KCNN2: variants seen among roughly 807,000 people sequenced by gnomAD.
KCNN2 encodes the protein small conductance calcium-activated potassium channel protein 2.
Under a neutral mutation model 55.5 loss-of-function variants are expected in KCNN2, and 24 were observed. That is an observed-to-expected ratio of 0.43 (90% CI 0.31 to 0.61). The LOEUF (loss-of-function observed/expected upper bound fraction) is 0.61. Among genes scored for constraint, KCNN2 ranks in the 20% least tolerant of loss-of-function variants. The pLI, the probability that KCNN2 is intolerant of heterozygous loss-of-function variation, is 0.08. For missense variants in KCNN2, 754 were observed against 853.6 expected (o/e 0.88, Z 1.45); for synonymous variants, 431 against 336.1 (o/e 1.28, Z -3.09).
chr5:114,372,083 A>G (rs1351151796), intron 2 of KCNN2, among the ~76,000 whole-genome samples: 1 of 152,196 alleles, frequency 6.6e-6, no homozygotes, highest in African/African-American at 2.4e-5. Flanking sequence ...TTTATTTGAC[A>G]AAACTTGTTT....
In KCNN2 at chr5:114,158,849, G is replaced by T. The variant is rs1222896637; in HGVS notation, c.-270-62631G>T. Reference sequence around the variant, plus strand: ...GAATGCTTGTGATTTTTGCACATTGGTTTTATATCCTGAGACTTTGCTGAA... The same window carrying T: ...GAATGCTTGTGATTTTTGCACATTGTTTTTATATCCTGAGACTTTGCTGAA... On this transcript the variant is annotated intron_variant, in intron 1 of 10. Transcript: ENST00000512097. Among the ~76,000 whole-genome samples, 6 of 152,040 alleles carry T rather than the reference G, an allele frequency of 3.9e-5. No individual in the cohort carries two copies. In the South Asian group the frequency reaches 1.2e-3, roughly 32 times the overall value.
intron 1 of KCNN2, among the ~76,000 whole-genome samples, chr5:114,102,818 C>G (rs1751399509): frequency 6.6e-6 from 1 of 152,170 alleles, no homozygotes. Flanking sequence ...GTACCAGTAC[C>G]AAGCTGCTTT....
chr5:114,234,557 G>A (rs1754434145), intron 2 of KCNN2, among the ~76,000 whole-genome samples: 1 of 152,132 alleles, frequency 6.6e-6, no homozygotes, highest in Non-Finnish European at 1.5e-5. Flanking sequence ...GTATTTCTTT[G>A]TTCATAGATC....
At position 114,493,414 on chromosome 5, in the gene KCNN2, TA is replaced by T. The variant is rs1245744981; in HGVS notation, c.2035del (p.Met679TrpfsTer6). On this transcript the variant is annotated frameshift_variant, in exon 7 of 8. Coordinates refer to ENST00000673685, the MANE Select transcript of KCNN2 (RefSeq NM_021614.4). LOFTEE classifies it high-confidence loss of function. ...ATTCTATCTTTTAGATTAAGAAGTG[TA>T]AAAATGGAGCAGAGGAAACTGAATG... Reference protein sequence around the residue: ...FLQAIHQLRSVKMEQRKLNDQ... With the variant: ...FLQAIHQLRSXKMEQRKLNDQ... 1 of 1,598,962 alleles carries T rather than the reference TA, an allele frequency of 6.3e-7. No homozygotes were observed. The highest frequency in any genetic ancestry group is 8.6e-7 in the Non-Finnish European group (1 of 1,166,210).
chr5:114,440,862 C>G (rs13175395), intron 3 of KCNN2, among the ~76,000 whole-genome samples: 139,991 of 152,266 alleles, frequency 0.92, 65,576 homozygotes, highest in East Asian at 1. Context: ...AATTTGAACA[C>G]AATGTGATAG....
At chr5:114,358,667 T>C (rs1757345586), upstream of KCNN2, among the ~76,000 whole-genome samples, 2 of 151,976 alleles carry the variant, frequency 1.3e-5, no homozygotes, top group African/African-American at 4.8e-5. Flanking sequence ...TTTCCCCCAA[T>C]GTTTCTTCAT....
At chr5:114,312,418 CACACACACACACACACATATAT>C (rs1325247036) in intron 2 of KCNN2, among the ~76,000 whole-genome samples, 73 of 70,860 alleles carry the variant, frequency 1.0e-3, no homozygotes, top group East Asian at 8.0e-3. Context: ...CACACACACA[CACACACACACACACACATATAT>C]ATATATATAT....
At chr5:114,080,540 A>AT (rs1239746622) in intron 1 of KCNN2, among the ~76,000 whole-genome samples, 2 of 152,026 alleles carry the variant, frequency 1.3e-5, no homozygotes, top group Non-Finnish European at 1.5e-5. Context: ...GAATTTGCTC[A>AT]TTTTTTCTAT....
At chr5:114,480,956 A>G (rs561753163) in intron 5 of KCNN2, among the ~76,000 whole-genome samples, 7 of 152,316 alleles carry the variant, frequency 4.6e-5, no homozygotes, top group Admixed American at 2.0e-4. Context: ...CCAGCACAAG[A>G]TAAGGATGCC....
At chr5:114,386,231 C>G (rs1040577715) in intron 2 of KCNN2, among the ~76,000 whole-genome samples, 2 of 149,610 alleles carry the variant, frequency 1.3e-5, no homozygotes, top group Admixed American at 6.6e-5. Flanking sequence ...AAATGACTTG[C>G]TCAAAATCAC....
intron 2 of KCNN2, among the ~76,000 whole-genome samples, chr5:114,336,793 A>G (rs1756931621): frequency 6.6e-6 from 1 of 152,104 alleles, no homozygotes; most frequent in Admixed American, 6.5e-5. Context: ...TTCCATGAAA[A>G]GGAAATAGCT....
intron 2 of KCNN2, among the ~76,000 whole-genome samples, chr5:114,296,773 A>C (rs183310842): frequency 3.1e-4 from 47 of 152,356 alleles, no homozygotes; most frequent in Middle Eastern, 3.4e-3. Flanking sequence ...GGAAAGAATA[A>C]GTAAATATTG....
chr5:114,455,535 A>G (rs1230248580), intron 3 of KCNN2, among the ~76,000 whole-genome samples: 10 of 152,176 alleles, frequency 6.6e-5, no homozygotes, highest in East Asian at 1.9e-4. Flanking sequence ...ATGACCTACA[A>G]TGGCTTCCAA....
chr5:114,083,921 G>A (rs1253824768), intron 1 of KCNN2, among the ~76,000 whole-genome samples: 1 of 151,998 alleles, frequency 6.6e-6, no homozygotes, highest in African/African-American at 2.4e-5. Context: ...TTGAATGTTG[G>A]AATCGTAGTA....
intron 2 of KCNN2, among the ~76,000 whole-genome samples, chr5:114,241,818 A>G (rs747428884): frequency 0.014 from 415 of 30,132 alleles, 116 homozygotes; most frequent in Middle Eastern, 0.13. Context: ...ATATATATAT[A>G]TGTGTGTATA....
intron 1 of KCNN2, among the ~76,000 whole-genome samples, chr5:114,131,003 A>G (rs1369377752): frequency 6.6e-6 from 1 of 152,230 alleles, no homozygotes; most frequent in Non-Finnish European, 1.5e-5. Context: ...TCAAAAATAA[A>G]ATGTGAACAT....
chr5:114,160,467 G>T (rs1270847600), intron 1 of KCNN2, among the ~76,000 whole-genome samples: 1 of 152,136 alleles, frequency 6.6e-6, no homozygotes, highest in Non-Finnish European at 1.5e-5. Context: ...GTGCTGAAAA[G>T]AATGTATATT....
At chr5:114,401,365 T>G (rs337705) in intron 2 of KCNN2, among the ~76,000 whole-genome samples, 73,958 of 151,966 alleles carry the variant, frequency 0.49, 20,351 homozygotes, top group African/African-American at 0.76. Context: ...TGAATGTGTC[T>G]TACATTCACT....
Position 114,362,973 on chromosome 5 carries a change from C to G in KCNN2, c.834C>G (p.Ile278Met). Residue 278 changes from isoleucine to methionine, a missense_variant, in exon 1 of 8, where the codon ATC (isoleucine) becomes ATG (methionine). Around this residue, in one of 4 missense-constraint regions of KCNN2, gnomAD observed 381 missense variants for 259.1 expected, o/e 1.47. Transcript: ENST00000673685. The stretch of plus-strand genomic sequence containing the variant: ...CTGTTTCGTCCTCAGCCCCCGAGAT[C>G]GTGGTGTCTAAGCCCGAGCACAACA... ...AAAVSSSAPEIVVSKPEHNNS... is the reference protein window; with the variant it reads ...AAAVSSSAPEMVVSKPEHNNS... 6.3e-7 allele frequency: 1 copy of G among 1,589,936 alleles called. No individual in the cohort carries two copies. The highest frequency in any genetic ancestry group is 8.5e-7 in the Non-Finnish European group (1 of 1,174,376).
Sources: allele counts gnomAD v4.1 joint callset (sites outside exome capture counted in the v4.1 genomes callset), GRCh38; gene constraint gnomAD v4.1.1; regional missense constraint gnomAD v4.1.1; transcripts MANE v1.5; gene names NCBI Gene and HGNC (gene_info 2026-07-23, HGNC 2026-07-21).